CUEDC1: variants seen among roughly 807,000 people sequenced by gnomAD.
The protein encoded by CUEDC1 is CUE domain-containing protein 1.
In CUEDC1, 30 loss-of-function variants were observed where a neutral mutation model predicts 43.7. The observed-to-expected ratio is 0.69, with a 90% CI of 0.51 to 0.93. The LOEUF (loss-of-function observed/expected upper bound fraction) is 0.93, where lower values mean the gene tolerates loss of function less well. Ranked by LOEUF, CUEDC1 falls within the 40% of genes least tolerant of loss-of-function variation. The probability of loss-of-function intolerance (pLI) is 0.00; values close to 1 mark genes in which losing one functional copy is unlikely to be tolerated. For synonymous variants in CUEDC1, 223 were observed against 223.6 expected, an observed-to-expected ratio of 1.00 and a Z score of 0.02; for missense variants, 486 against 549.0, an observed-to-expected ratio of 0.89 and a Z score of 1.15.
intron 1 of CUEDC1, among the ~76,000 whole-genome samples, chr17:57,888,460 GC>G (rs1275679367): frequency 1.3e-5 from 2 of 152,216 alleles, no homozygotes; most frequent in African/African-American, 4.8e-5. Context: ...AGACGCCCAA[GC>G]CATTTCACAA....
intron 1 of CUEDC1, among the ~76,000 whole-genome samples, chr17:57,947,803 A>G (rs1031492026): frequency 1.3e-5 from 2 of 152,208 alleles, no homozygotes; most frequent in Non-Finnish European, 1.5e-5. Flanking sequence ...ACCCTGTCTC[A>G]TAAATAAATA....
At chr17:57,945,556 T>TA (rs1319762816) in intron 1 of CUEDC1, among the ~76,000 whole-genome samples, 1 of 152,214 alleles carries the variant, frequency 6.6e-6, no homozygotes, top group Non-Finnish European at 1.5e-5. Context: ...AGAATTGGAA[T>TA]AAAAAGAATT....
At position 57,904,958 on chromosome 17, in the gene CUEDC1, A is replaced by G. The variant is rs1030209678; in HGVS notation, c.-315-19079T>C. Reference sequence around the variant, plus strand: ...AGGGCTTTCGGGGACAGGAAGCAATAAACAGAGTCAAGCGGCCAAGATGCA... The same window carrying G: ...AGGGCTTTCGGGGACAGGAAGCAATGAACAGAGTCAAGCGGCCAAGATGCA... On this transcript the variant is annotated intron_variant, in intron 1 of 10. Transcript: ENST00000577830. Among the ~76,000 whole-genome samples the G allele has an allele frequency of 7.2e-5, 11 of 152,284 alleles. No homozygotes were observed. In the East Asian group the frequency reaches 2.1e-3, roughly 29 times the overall value.
chr17:57,896,439 C>A (rs2074408669), intron 1 of CUEDC1, among the ~76,000 whole-genome samples: 1 of 147,914 alleles, frequency 6.8e-6, no homozygotes, highest in African/African-American at 2.5e-5. Flanking sequence ...GGGAACAATG[C>A]AAGGTACAAA....
rs758003135 is a variant in CUEDC1, at chr17:57,866,468, C to T, written c.*3+6G>A. On this transcript the variant is annotated splice_donor_region_variant and intron_variant, in intron 10 of 10. Transcript: ENST00000577830. The stretch of plus-strand genomic sequence containing the variant: ...GTCCCTGGGTTGCTATGGCTCCAGG[C>T]CTTACCTCTTACTGTCCTTCTCGCA... 13 of 1,613,984 alleles carry T rather than the reference C, an allele frequency of 8.1e-6. No homozygotes were observed. The South Asian group carries it at 1.3e-4, about 16-fold the overall frequency.
At chr17:57,865,243 G>C (rs1437233452) in intron 10 of CUEDC1, among the ~76,000 whole-genome samples, 1 of 152,202 alleles carries the variant, frequency 6.6e-6, no homozygotes, top group Non-Finnish European at 1.5e-5. Context: ...AGGACAGTGG[G>C]AAGTGGGCCG....
Position 57,862,029 on chromosome 17 carries a change from C to G in CUEDC1, c.*1260G>C, listed in dbSNP as rs370311273. 1 of 152,212 alleles carries G rather than the reference C, an allele frequency of 6.6e-6. No homozygotes were observed. The highest frequency in any genetic ancestry group is 1.5e-5 in the Non-Finnish European group (1 of 68,038). 9.4% of individuals were successfully genotyped at this position (152,212 alleles called of 1,614,324 possible). On this transcript the variant is annotated 3_prime_UTR_variant, in exon 11 of 11. Transcript: ENST00000577830. The stretch of plus-strand genomic sequence containing the variant: ...GATCGCCGGCTCGCCTTCGCTACGC[C>G]CTTGTGATCTTGGGGCCACGGAGGC...
chr17:57,932,542 G>A (rs181795304), intron 1 of CUEDC1, among the ~76,000 whole-genome samples: 56 of 132,294 alleles, frequency 4.2e-4, no homozygotes, highest in Admixed American at 2.0e-3. Context: ...CAGAGATCAC[G>A]CCACTGCACT....
rs193051323 is a variant in CUEDC1, at chr17:57,940,180, C to G, written c.-316+15045G>C. On this transcript the variant is annotated intron_variant, in intron 1 of 10. Transcript: ENST00000577830. Reference sequence around the variant, plus strand: ...CCGTTAAAAACCCTGCCATGTGACTCTTCTTCAGTGCCATCCCATGCCTCC... The same window carrying G: ...CCGTTAAAAACCCTGCCATGTGACTGTTCTTCAGTGCCATCCCATGCCTCC... Among the ~76,000 whole-genome samples, 19 of 151,808 alleles carry G rather than the reference C, an allele frequency of 1.3e-4. No individual in the cohort carries two copies. In the East Asian group the frequency reaches 3.5e-3, roughly 28 times the overall value.
intron 1 of CUEDC1, among the ~76,000 whole-genome samples, chr17:57,923,860 G>A (rs1380305266): frequency 6.6e-6 from 1 of 152,194 alleles, no homozygotes; most frequent in African/African-American, 2.4e-5. Context: ...ACTTTGCAAG[G>A]CGGGCATCAT....
intron 10 of CUEDC1, among the ~76,000 whole-genome samples, chr17:57,863,571 G>A (rs915372393): frequency 2.6e-5 from 4 of 152,186 alleles, no homozygotes; most frequent in East Asian, 1.9e-4. Context: ...GGGCTTCAAC[G>A]TGGGAGGGTA....
intron 1 of CUEDC1, among the ~76,000 whole-genome samples, chr17:57,943,381 T>C (rs2143217486): frequency 6.6e-6 from 1 of 152,350 alleles, no homozygotes; most frequent in East Asian, 1.9e-4. Flanking sequence ...TTCATTCTCT[T>C]ATTAAATCAG....
In CUEDC1 at chr17:57,899,132, CG is replaced by C. The variant is rs199654150; in HGVS notation, c.-315-13254del. 3.2e-3 allele frequency among the ~76,000 whole-genome samples: 485 copies of C among 152,278 alleles called. 2 individuals carry two copies. Among genetic ancestry groups the C allele is most frequent in the African/African-American group, 0.011 (451 of 41,554 alleles). ...GCTTCAAAAGAGCAGGCAGCAGCTGCGGCTGGGAGGCCGCCCGCCTCAGGCA... is the reference window on the plus strand; with the variant it reads ...GCTTCAAAAGAGCAGGCAGCAGCTGCGCTGGGAGGCCGCCCGCCTCAGGCA... On this transcript the variant is annotated intron_variant, in intron 1 of 10. Transcript: ENST00000577830.
chr17:57,916,670 C>G (rs978315773), intron 1 of CUEDC1, among the ~76,000 whole-genome samples: 1 of 152,136 alleles, frequency 6.6e-6, no homozygotes, highest in Non-Finnish European at 1.5e-5. Flanking sequence ...TTTCAGGCCA[C>G]AGAGAGGAGG....
At chr17:57,867,716 G>A (rs2073980361) in intron 8 of CUEDC1, 1 of 515,806 alleles carries the variant, frequency 1.9e-6, no homozygotes, top group Admixed American at 3.2e-5. Flanking sequence ...ATGAATAGGA[G>A]TTCTGATAAA....
At position 57,885,617 on chromosome 17, in the gene CUEDC1, C is replaced by G; in HGVS notation, c.-53G>C. On this transcript the variant is annotated 5_prime_UTR_variant, in exon 2 of 11. Transcript: ENST00000577830. ...TCTAGCCGGCCGCAAAGCCCCTTCC[C>G]CAGGGTCTTTCCGCCGTCAGCCGCT... The G allele has an allele frequency of 7.5e-7, 1 of 1,339,690 alleles. No homozygotes were observed. Among genetic ancestry groups the G allele is most frequent in the African/African-American group, 1.5e-5 (1 of 64,620 alleles). The allele number at this position is 1,339,690 out of a possible 1,614,324, so 83.0% of individuals were successfully genotyped here. A position where few individuals can be genotyped will look rare whatever the true frequency, so the allele number is the denominator to read the frequency against.
intron 1 of CUEDC1, among the ~76,000 whole-genome samples, chr17:57,886,527 G>A (rs1220573598): frequency 1.3e-5 from 2 of 152,222 alleles, no homozygotes. Flanking sequence ...CATCCTTGCA[G>A]AGCCTCGGGC....
rs1008896820 is a variant in CUEDC1 at position 57,861,597 on chromosome 17, A to T, written c.*1692T>A. On this transcript the variant is annotated 3_prime_UTR_variant, in exon 11 of 11. Coordinates refer to ENST00000577830, the MANE Select transcript of CUEDC1 (RefSeq NM_001271875.2). The stretch of plus-strand genomic sequence containing the variant: ...CCCACGCCGCTGGCCACATCAGAGC[A>T]CCAAGAGAACACCAACTGTTTATTA... 1.3e-5 allele frequency: 2 copies of T among 152,358 alleles called. 1 individual carries two copies. Among genetic ancestry groups the T allele is most frequent in the African/African-American group, 4.8e-5 (2 of 41,448 alleles). 9.4% of individuals were successfully genotyped at this position (152,358 alleles called of 1,614,324 possible). A position where few individuals can be genotyped will look rare whatever the true frequency, so the allele number is the denominator to read the frequency against.
chr17:57,918,091 C>G (rs561098169), intron 1 of CUEDC1, among the ~76,000 whole-genome samples: 1 of 152,314 alleles, frequency 6.6e-6, no homozygotes, highest in African/African-American at 2.4e-5. Flanking sequence ...GTGGGAGAAG[C>G]AGTCTCAGTC....
Sources: allele counts gnomAD v4.1 joint callset (sites outside exome capture counted in the v4.1 genomes callset), GRCh38; gene constraint gnomAD v4.1.1; transcripts MANE v1.5; gene names NCBI Gene and HGNC (gene_info 2026-07-23, HGNC 2026-07-21).